Variants in SPTLC1 observed in about 807,000 individuals in gnomAD.
SPTLC1 encodes serine palmitoyltransferase 1.
Under a neutral mutation model 68.9 loss-of-function variants are expected in SPTLC1, and 55 were observed. The observed-to-expected ratio is 0.80, with a 90% CI of 0.64 to 1.00. The LOEUF (loss-of-function observed/expected upper bound fraction) is 1.00. Ranked by LOEUF, SPTLC1 falls within the 50% of genes least tolerant of loss-of-function variation. The pLI, the probability that SPTLC1 is intolerant of heterozygous loss-of-function variation, is 0.00. For missense variants in SPTLC1, 449 were observed against 573.1 expected (o/e 0.78, Z 2.21); for synonymous variants, 197 against 201.6 (o/e 0.98, Z 0.19).
At chr9:92,104,676 C>G (rs1052139932) in intron 3 of SPTLC1, 21 of 1,525,464 alleles carry the variant, frequency 1.4e-5, no homozygotes, top group Admixed American at 3.9e-5. Flanking sequence ...CCCAAAGAAG[C>G]AACGGAGGTG....
At chr9:92,112,322 C>T in intron 2 of SPTLC1, 133 bp downstream of exon 2, 1 of 675,330 alleles carries the variant, frequency 1.5e-6, no homozygotes, top group Non-Finnish European at 2.6e-6. Context: ...CCTAATAATT[C>T]ATTCCCCTTG....
chr9:92,092,438 T>C (rs1587594086), intron 3 of SPTLC1, among the ~76,000 whole-genome samples: 1 of 152,144 alleles, frequency 6.6e-6, no homozygotes, highest in African/African-American at 2.4e-5. Context: ...ATTAGAAGTA[T>C]AGCCTACAGG....
At chr9:92,058,524 C>G (rs1214052287) in intron 7 of SPTLC1, among the ~76,000 whole-genome samples, 1 of 152,154 alleles carries the variant, frequency 6.6e-6, no homozygotes, top group African/African-American at 2.4e-5. Flanking sequence ...AACAATGATG[C>G]TCTGAACACA....
chr9:92,034,257 C>A (rs902480492), intron 14 of SPTLC1, among the ~76,000 whole-genome samples: 2 of 152,260 alleles, frequency 1.3e-5, no homozygotes, highest in Non-Finnish European at 2.9e-5. Context: ...GTGGGATGGC[C>A]AACTCCTTGG....
At chr9:92,055,170 G>A in intron 8 of SPTLC1, 16 of 939,442 alleles carry the variant, frequency 1.7e-5, no homozygotes, top group Non-Finnish European at 2.0e-5. Flanking sequence ...AGGCTGCAGT[G>A]AGCTGTGTTC....
At chr9:92,060,618 C>G (rs189554481) in intron 6 of SPTLC1, among the ~76,000 whole-genome samples, 2 of 152,104 alleles carry the variant, frequency 1.3e-5, no homozygotes, top group East Asian at 3.9e-4. Flanking sequence ...AGAAATTATT[C>G]ACTGACAGCC....
At chr9:92,082,068 A>G (rs1448830932) in intron 3 of SPTLC1, among the ~76,000 whole-genome samples, 1 of 152,148 alleles carries the variant, frequency 6.6e-6, no homozygotes, top group Non-Finnish European at 1.5e-5. Context: ...GACGATTCAG[A>G]AGCTTAGGGA....
chr9:92,043,780 T>C (rs1210869763), intron 12 of SPTLC1, among the ~76,000 whole-genome samples: 1 of 152,214 alleles, frequency 6.6e-6, no homozygotes, highest in Non-Finnish European at 1.5e-5. Context: ...ATGTATTTTT[T>C]CACACCATGC....
At chr9:92,071,665 G>T (rs1469597814) in intron 5 of SPTLC1, among the ~76,000 whole-genome samples, 1 of 152,162 alleles carries the variant, frequency 6.6e-6, no homozygotes, top group Non-Finnish European at 1.5e-5. Flanking sequence ...TGACCAAATT[G>T]TAAGGTCCCC....
At chr9:92,075,598 G>T (rs1346559149) in intron 5 of SPTLC1, among the ~76,000 whole-genome samples, 1 of 152,160 alleles carries the variant, frequency 6.6e-6, no homozygotes, top group Non-Finnish European at 1.5e-5. Flanking sequence ...TAATCTTACA[G>T]TCCTGGGCTG....
rs1834080630 is a variant in SPTLC1 at position 92,060,999 on chromosome 9, G to C, written c.561-1691C>G. Among the ~76,000 whole-genome samples the C allele has an allele frequency of 5.9e-5, 9 of 151,950 alleles. No individual in the cohort carries two copies. In the South Asian group the frequency reaches 1.9e-3, roughly 32 times the overall value. ...CTAGAAAGAAATGAACAGAGTCTCAGGGACCCATGGGATTATAATAAAAGA... is the reference window on the plus strand; with the variant it reads ...CTAGAAAGAAATGAACAGAGTCTCACGGACCCATGGGATTATAATAAAAGA... On this transcript the variant is annotated intron_variant, in intron 6 of 14. Coordinates refer to ENST00000262554, the MANE Select transcript of SPTLC1 (RefSeq NM_006415.4).
chr9:92,037,425 A>C (rs1177083189), intron 13 of SPTLC1, among the ~76,000 whole-genome samples: 1 of 152,218 alleles, frequency 6.6e-6, no homozygotes, highest in African/African-American at 2.4e-5. Context: ...GCCCACATAA[A>C]AGTCCAGATT....
chr9:92,081,524 T>C (rs924963251), intron 3 of SPTLC1, among the ~76,000 whole-genome samples: 1 of 152,160 alleles, frequency 6.6e-6, no homozygotes, highest in Admixed American at 6.5e-5. Context: ...GGGTGGCAGC[T>C]ACACTGGAGC....
At chr9:92,043,987 T>C (rs752862934) in intron 12 of SPTLC1, among the ~76,000 whole-genome samples, 5 of 152,154 alleles carry the variant, frequency 3.3e-5, no homozygotes, top group Non-Finnish European at 7.3e-5. Context: ...TGCTATTTTG[T>C]TTACTGTTCT....
chr9:92,046,224 G>T, intron 11 of SPTLC1, 171 bp from the exon 12 acceptor site: 1 of 651,610 alleles, frequency 1.5e-6, no homozygotes, highest in Middle Eastern at 4.2e-4. Flanking sequence ...CTTTGTCTCT[G>T]GTGCGTGCTA....
At chr9:92,096,961 C>T (rs1444136452) in intron 3 of SPTLC1, among the ~76,000 whole-genome samples, 1 of 151,824 alleles carries the variant, frequency 6.6e-6, no homozygotes, top group Non-Finnish European at 1.5e-5. Context: ...ATATAAAGAA[C>T]TTTTACAGTT....
intron 8 of SPTLC1, chr9:92,055,102 G>T: frequency 2.5e-6 from 1 of 399,384 alleles, no homozygotes. Flanking sequence ...GCATGTGCCT[G>T]TAGTCCCAGC....
At chr9:92,054,597 T>G (rs1833817844) in intron 8 of SPTLC1, among the ~76,000 whole-genome samples, 1 of 152,144 alleles carries the variant, frequency 6.6e-6, no homozygotes, top group African/African-American at 2.4e-5. Flanking sequence ...ATACGTTGAT[T>G]TCACCTAAAT....
At chr9:92,085,784 T>C (rs1835098841) in intron 3 of SPTLC1, among the ~76,000 whole-genome samples, 1 of 152,126 alleles carries the variant, frequency 6.6e-6, no homozygotes, top group Non-Finnish European at 1.5e-5. Flanking sequence ...TCAGTTCAAT[T>C]CCTGGGTATC....
Sources: gnomAD v4.1 joint callset for allele counts (sites outside exome capture counted in the v4.1 genomes callset) on GRCh38, gnomAD v4.1.1 for gene constraint, MANE v1.5 for transcripts, NCBI Gene and HGNC (gene_info 2026-07-23, HGNC 2026-07-21) for gene names.